POU2F3: variants seen among roughly 807,000 people sequenced by gnomAD.
POU2F3 encodes the protein POU class 2 homeobox 3.
In POU2F3, 23 loss-of-function variants were observed where a neutral mutation model predicts 59.2. The observed-to-expected ratio is 0.39, with a 90% CI of 0.28 to 0.55. The LOEUF (loss-of-function observed/expected upper bound fraction) is 0.55. Among genes scored for constraint, POU2F3 ranks in the 20% least tolerant of loss-of-function variants. POU2F3 has a pLI of 0.66. For synonymous variants in POU2F3, 190 were observed against 214.6 expected (o/e 0.89, Z 1.00); for missense variants, 473 against 544.5 (o/e 0.87, Z 1.31).
At chr11:120,292,415 A>G (rs775077602) in intron 3 of POU2F3, among the ~76,000 whole-genome samples, 4 of 152,210 alleles carry the variant, frequency 2.6e-5, no homozygotes, top group Admixed American at 1.3e-4. Flanking sequence ...TTTCTACACT[A>G]GATGCTTCCC....
chr11:120,248,656 C>G (rs1173451242), intron 2 of POU2F3, among the ~76,000 whole-genome samples: 1 of 152,164 alleles, frequency 6.6e-6, no homozygotes, highest in Non-Finnish European at 1.5e-5. Flanking sequence ...ACTTTACCAC[C>G]ACCAGGAGAT....
intron 1 of POU2F3, 46 bp from the exon 2 acceptor site, chr11:120,246,403 G>GA (rs771769914): frequency 3.2e-5 from 51 of 1,598,700 alleles, no homozygotes; most frequent in Non-Finnish European, 4.2e-5. Context: ...GTCATAGCAA[G>GA]AAAAATTGTG....
intron 3 of POU2F3, among the ~76,000 whole-genome samples, chr11:120,292,474 C>T (rs1359798611): frequency 6.6e-6 from 1 of 152,208 alleles, no homozygotes; most frequent in Admixed American, 6.5e-5. Flanking sequence ...TGATGCTTAG[C>T]ATTTCTTCCC....
upstream of POU2F3, among the ~76,000 whole-genome samples, chr11:120,239,628 T>C (rs1565348015): frequency 6.6e-6 from 1 of 152,266 alleles, no homozygotes; most frequent in South Asian, 2.1e-4. Context: ...CTAGGTGAGC[T>C]TGGTCACCTG....
chr11:120,306,632 C>T (rs954070606), intron 8 of POU2F3, among the ~76,000 whole-genome samples: 8 of 152,082 alleles, frequency 5.3e-5, no homozygotes, highest in Admixed American at 1.3e-4. Context: ...TGAGAACTGC[C>T]GGCCTAGGCA....
intron 2 of POU2F3, among the ~76,000 whole-genome samples, chr11:120,268,556 T>C: frequency 6.6e-6 from 1 of 152,192 alleles, no homozygotes. Flanking sequence ...TTGCTCAGCC[T>C]GGCTCAAACT....
At chr11:120,304,635 G>A (rs1003689851) in intron 6 of POU2F3, among the ~76,000 whole-genome samples, 1 of 151,998 alleles carries the variant, frequency 6.6e-6, no homozygotes, top group Non-Finnish European at 1.5e-5. Context: ...AACAAAGCAA[G>A]CAACCTTTTC....
At chr11:120,269,276 T>G in intron 3 of POU2F3, 32 bp downstream of exon 3, 1 of 1,549,656 alleles carries the variant, frequency 6.5e-7, no homozygotes, top group Non-Finnish European at 8.9e-7. Flanking sequence ...AAACGTTTAT[T>G]CTATAAAATT....
At chr11:120,282,476 C>CTTGAACCTGTTTAGTA (rs1398652244) in intron 3 of POU2F3, among the ~76,000 whole-genome samples, 2 of 152,066 alleles carry the variant, frequency 1.3e-5, no homozygotes, top group Non-Finnish European at 2.9e-5. Flanking sequence ...GCCAACATGG[C>CTTGAACCTGTTTAGTA]GAAACCCTGT....
At chr11:120,255,391 G>C (rs981286385) in intron 2 of POU2F3, among the ~76,000 whole-genome samples, 1 of 152,132 alleles carries the variant, frequency 6.6e-6, no homozygotes, top group Admixed American at 6.6e-5. Flanking sequence ...GGAAAGGAGA[G>C]GAAACTGGGT....
At chr11:120,236,757 C>T (rs748826595), upstream of POU2F3, 83 of 1,412,046 alleles carry the variant, frequency 5.9e-5, no homozygotes, top group African/African-American at 2.4e-4. Context: ...CTGAAATGAT[C>T]AGTGAGCAAG....
intron 2 of POU2F3, among the ~76,000 whole-genome samples, chr11:120,257,541 T>C (rs1187573348): frequency 6.6e-6 from 1 of 152,058 alleles, no homozygotes; most frequent in African/African-American, 2.4e-5. Context: ...ACAAGGGTTT[T>C]TGCTCTGTTC....
At position 120,304,605 on chromosome 11, in the gene POU2F3, A is replaced by G. The variant is rs183050136; in HGVS notation, c.445-425A>G. The stretch of plus-strand genomic sequence containing the variant: ...AACACCTCAGTTACCTGCTTTATGG[A>G]AAAAAACAAAAAACAAAAAAACAAA... On this transcript the variant is annotated intron_variant, in intron 6 of 12. Coordinates refer to ENST00000543440, the MANE Select transcript of POU2F3 (RefSeq NM_014352.4). Among the ~76,000 whole-genome samples, 13 of 150,572 alleles carry G rather than the reference A, an allele frequency of 8.6e-5. No individual in the cohort carries two copies. The East Asian group carries it at 2.3e-3, about 27-fold the overall frequency.
In POU2F3 at chr11:120,254,656, C is replaced by T. The variant is rs1424991368; in HGVS notation, c.97+8139C>T. On this transcript the variant is annotated intron_variant, in intron 2 of 12. Transcript: ENST00000543440. ...GAGGGCCAGAGTCAAGCTGAGAGTA[C>T]TTAAAAGGAAAGCGGCATGAGGTCA... Among the ~76,000 whole-genome samples the T allele has an allele frequency of 2.0e-5, 3 of 152,180 alleles. No homozygotes were observed. In the East Asian group the frequency reaches 5.8e-4, roughly 29 times the overall value.
At chr11:120,255,417 G>A (rs1939295683) in intron 2 of POU2F3, among the ~76,000 whole-genome samples, 1 of 152,120 alleles carries the variant, frequency 6.6e-6, no homozygotes, top group Admixed American at 6.5e-5. Context: ...CTATGACGAT[G>A]GGGTCTCGGC....
chr11:120,244,322 C>G (rs1225429370), intron 1 of POU2F3, among the ~76,000 whole-genome samples: 1 of 152,200 alleles, frequency 6.6e-6, no homozygotes, highest in East Asian at 1.9e-4. Flanking sequence ...GGGAAGCGGA[C>G]TAGCATCTAA....
intron 3 of POU2F3, among the ~76,000 whole-genome samples, chr11:120,272,106 G>T (rs1025543126): frequency 6.6e-6 from 1 of 152,128 alleles, no homozygotes; most frequent in African/African-American, 2.4e-5. Context: ...CGCCAGGCTC[G>T]GGGCAAGGCG....
chr11:120,295,728 A>G (rs1941175749), intron 3 of POU2F3, among the ~76,000 whole-genome samples: 1 of 152,208 alleles, frequency 6.6e-6, no homozygotes, highest in African/African-American at 2.4e-5. Context: ...GCACAGCTGA[A>G]GGGGCATGGA....
intron 2 of POU2F3, among the ~76,000 whole-genome samples, chr11:120,257,837 C>T (rs1939411780): frequency 6.6e-6 from 1 of 152,188 alleles, no homozygotes; most frequent in Non-Finnish European, 1.5e-5. Flanking sequence ...TTGAGCCAGG[C>T]ATTTTGGTGC....
Sources: gnomAD v4.1 joint callset for allele counts (sites outside exome capture counted in the v4.1 genomes callset) on GRCh38, gnomAD v4.1.1 for gene constraint, MANE v1.5 for transcripts, NCBI Gene and HGNC (gene_info 2026-07-23, HGNC 2026-07-21) for gene names.